Variants in NCALD observed in about 807,000 individuals in gnomAD.
NCALD encodes neurocalcin delta.
A neutral mutation model predicts 18.6 loss-of-function variants in NCALD; 10 were observed. The observed-to-expected ratio is 0.54, with a 90% CI of 0.33 to 0.91. The LOEUF (loss-of-function observed/expected upper bound fraction) is 0.91, where lower values mean the gene tolerates loss of function less well. Among genes scored for constraint, NCALD ranks in the 40% least tolerant of loss-of-function variants. NCALD has a pLI of 0.03. For synonymous variants in NCALD, 88 were observed against 87.4 expected (o/e 1.01, Z -0.04); for missense variants, 184 against 247.6 (o/e 0.74, Z 1.72).
intron 2 of NCALD, among the ~76,000 whole-genome samples, chr8:102,003,337 T>A (rs1164051373): frequency 1.3e-5 from 2 of 152,196 alleles, no homozygotes; most frequent in Non-Finnish European, 2.9e-5. Context: ...CAGGAAGAAG[T>A]TGAATCTCTG....
rs557750944 is a variant in NCALD at position 101,769,413 on chromosome 8, G to A, written c.-20+21449C>T. ...AGTTCTCCCTCTTCATAAAGAAAAT[G>A]AATTATAATATACTACCTATAAGCT... On this transcript the variant is annotated intron_variant, in intron 1 of 3. Coordinates refer to ENST00000220931, the MANE Select transcript of NCALD (RefSeq NM_032041.3). Among the ~76,000 whole-genome samples, 4 of 152,208 alleles carry A rather than the reference G, an allele frequency of 2.6e-5. No homozygotes were observed. In the South Asian group the frequency reaches 6.2e-4, roughly 24 times the overall value.
At chr8:102,003,554 A>G (rs1821566212) in intron 2 of NCALD, among the ~76,000 whole-genome samples, 1 of 152,244 alleles carries the variant, frequency 6.6e-6, no homozygotes, top group Non-Finnish European at 1.5e-5. Flanking sequence ...TCCTGATACC[A>G]AAGCCTGGCA....
chr8:101,707,839 GCCTGGACGACAGAGCAAAACTCCAT>G (rs1815601997), intron 2 of NCALD, among the ~76,000 whole-genome samples: 1 of 151,998 alleles, frequency 6.6e-6, no homozygotes, highest in Non-Finnish European at 1.5e-5. Context: ...CTGCACTCCA[GCCTGGACGACAGAGCAAAACTCCAT>G]CTCAAAAAAT....
chr8:101,838,061 A>C (rs1329029392), intron 4 of NCALD, among the ~76,000 whole-genome samples: 1 of 152,200 alleles, frequency 6.6e-6, no homozygotes, highest in South Asian at 2.1e-4. Flanking sequence ...AGACAGACAA[A>C]ATCATTTAGT....
chr8:102,076,711 A>G (rs1219690073), intron 1 of NCALD, among the ~76,000 whole-genome samples: 4 of 142,300 alleles, frequency 2.8e-5, no homozygotes, highest in Non-Finnish European at 6.2e-5. Flanking sequence ...TTAACCATGT[A>G]CCCAAATGCT....
At chr8:101,968,334 T>C (rs919627202) in intron 2 of NCALD, among the ~76,000 whole-genome samples, 2 of 152,190 alleles carry the variant, frequency 1.3e-5, no homozygotes. Context: ...TAGATTTAAC[T>C]TCCATTTCAT....
intron 1 of NCALD, among the ~76,000 whole-genome samples, chr8:101,761,105 A>T (rs1811091226): frequency 6.6e-6 from 1 of 152,052 alleles, no homozygotes; most frequent in Non-Finnish European, 1.5e-5. Context: ...TGGACTAGAG[A>T]GAACAATTCC....
intron 2 of NCALD, among the ~76,000 whole-genome samples, chr8:101,980,405 T>C (rs914938097): frequency 2.6e-5 from 4 of 152,180 alleles, no homozygotes; most frequent in African/African-American, 9.7e-5. Flanking sequence ...GGATTTATTC[T>C]GTGGGCACTG....
intron 4 of NCALD, among the ~76,000 whole-genome samples, chr8:101,828,799 A>T (rs930508721): frequency 1.3e-5 from 2 of 151,914 alleles, no homozygotes; most frequent in African/African-American, 4.8e-5. Context: ...TGTGTCTCCT[A>T]GTTGGGATGT....
At chr8:101,760,808 C>G (rs1811080235) in intron 1 of NCALD, among the ~76,000 whole-genome samples, 1 of 152,078 alleles carries the variant, frequency 6.6e-6, no homozygotes, top group African/African-American at 2.4e-5. Flanking sequence ...TAACAGCACC[C>G]CTTATACTCT....
chr8:101,779,264 C>A (rs756755500), intron 1 of NCALD, among the ~76,000 whole-genome samples: 1 of 152,062 alleles, frequency 6.6e-6, no homozygotes, highest in Non-Finnish European at 1.5e-5. Flanking sequence ...GAAAGAAATT[C>A]TAGTAGAAGA....
intron 4 of NCALD, among the ~76,000 whole-genome samples, chr8:101,861,038 C>G (rs935164897): frequency 2.0e-5 from 3 of 152,042 alleles, no homozygotes; most frequent in African/African-American, 7.2e-5. Context: ...CATCACTCCT[C>G]TAGAATTGGA....
At chr8:102,026,139 G>A (rs1037466752) in intron 1 of NCALD, among the ~76,000 whole-genome samples, 2 of 152,106 alleles carry the variant, frequency 1.3e-5, no homozygotes, top group Non-Finnish European at 2.9e-5. Flanking sequence ...GATTTAGGTG[G>A]GGACACAGCC....
intron 3 of NCALD, among the ~76,000 whole-genome samples, chr8:101,889,521 C>CT (rs1434324223): frequency 6.6e-6 from 1 of 152,156 alleles, no homozygotes; most frequent in African/African-American, 2.4e-5. Flanking sequence ...TAAATGTATG[C>CT]TTTTTTTCTC....
intron 2 of NCALD, among the ~76,000 whole-genome samples, chr8:101,936,891 T>A (rs1291631557): frequency 6.6e-6 from 1 of 152,206 alleles, no homozygotes; most frequent in Admixed American, 6.5e-5. Context: ...TTGTATCCTA[T>A]CTGGGAAACT....
At chr8:101,924,542 A>G (rs990732630) in intron 2 of NCALD, among the ~76,000 whole-genome samples, 20 of 152,184 alleles carry the variant, frequency 1.3e-4, no homozygotes, top group African/African-American at 4.8e-4. Context: ...CATGTTCCAA[A>G]TCATAACTAA....
intron 1 of NCALD, among the ~76,000 whole-genome samples, chr8:102,029,577 T>C (rs1215275626): frequency 6.6e-6 from 1 of 152,224 alleles, no homozygotes; most frequent in Non-Finnish European, 1.5e-5. Context: ...CTGGGCCAAG[T>C]ATTATTTCTC....
chr8:101,902,512 C>T (rs983803363), intron 3 of NCALD, among the ~76,000 whole-genome samples: 11 of 152,296 alleles, frequency 7.2e-5, no homozygotes, highest in Middle Eastern at 3.4e-3. Context: ...AGAACATGCC[C>T]TAGAGTTCCT....
intron 2 of NCALD, among the ~76,000 whole-genome samples, chr8:101,950,992 C>T (rs772181997): frequency 1.3e-5 from 2 of 152,174 alleles, no homozygotes; most frequent in African/African-American, 4.8e-5. Flanking sequence ...CTTCTAGGTA[C>T]CCAACTTCCT....
Sources: allele counts gnomAD v4.1 joint callset (sites outside exome capture counted in the v4.1 genomes callset), GRCh38; gene constraint gnomAD v4.1.1; transcripts MANE v1.5; gene names NCBI Gene and HGNC (gene_info 2026-07-23, HGNC 2026-07-21).